PDE6C: variants seen among roughly 807,000 people sequenced by gnomAD.
PDE6C encodes phosphodiesterase 6C, also known as cone cGMP-specific 3',5'-cyclic phosphodiesterase subunit alpha'.
PDE6C carries 75 observed loss-of-function variants against 113.1 expected under a neutral mutation model. The observed-to-expected ratio is 0.66, with a 90% CI of 0.55 to 0.80. The LOEUF is 0.80. Among genes scored for constraint, PDE6C ranks in the 30% least tolerant of loss-of-function variants. PDE6C has a pLI of 0.00. For missense variants in PDE6C, 912 were observed against 1,038.6 expected (o/e 0.88, Z 1.67); for synonymous variants, 375 against 363.7 (o/e 1.03, Z -0.35).
intron 7 of PDE6C, 85 bp from the exon 8 acceptor site, chr10:93,629,173 A>G: frequency 8.9e-7 from 1 of 1,122,136 alleles, no homozygotes; most frequent in South Asian, 1.2e-5. Flanking sequence ...CTCACTCCCA[A>G]TGCGTTCTTT....
chr10:93,623,147 G>A (rs1225075309), intron 4 of PDE6C, among the ~76,000 whole-genome samples: 2 of 152,200 alleles, frequency 1.3e-5, no homozygotes, highest in East Asian at 1.9e-4. Flanking sequence ...AGCAGTTGCT[G>A]ATGTTAGTAT....
chr10:93,637,822 A>G, intron 11 of PDE6C, among the ~76,000 whole-genome samples: 1 of 152,180 alleles, frequency 6.6e-6, no homozygotes, highest in Non-Finnish European at 1.5e-5. Flanking sequence ...CCTGGGTTCT[A>G]GTCATTTGAT....
At chr10:93,631,237 T>C (rs1010146567) in intron 8 of PDE6C, among the ~76,000 whole-genome samples, 7 of 152,196 alleles carry the variant, frequency 4.6e-5, no homozygotes, top group Non-Finnish European at 1.0e-4. Context: ...GGAAACATCA[T>C]TGTGGTGCCC....
chr10:93,643,794 G>T (rs2058570595), intron 14 of PDE6C, among the ~76,000 whole-genome samples: 1 of 151,300 alleles, frequency 6.6e-6, no homozygotes, highest in South Asian at 2.1e-4. Context: ...GAATTAGGAG[G>T]ACATTCACCT....
intron 8 of PDE6C, among the ~76,000 whole-genome samples, chr10:93,631,007 A>G (rs1023961039): frequency 6.6e-6 from 1 of 152,244 alleles, no homozygotes; most frequent in East Asian, 1.9e-4. Context: ...AACCTTAAGC[A>G]GTCATTGTCT....
chr10:93,641,097 A>G (rs2058557636), intron 14 of PDE6C, 68 bp downstream of exon 14: 1 of 949,664 alleles, frequency 1.1e-6, no homozygotes, highest in Admixed American at 1.7e-5. Flanking sequence ...GGTGAGAAAA[A>G]CGCTTCTCCC....
chr10:93,626,170 C>T (rs1046894037), intron 5 of PDE6C, among the ~76,000 whole-genome samples: 4 of 152,162 alleles, frequency 2.6e-5, no homozygotes, highest in Non-Finnish European at 4.4e-5. Flanking sequence ...AGTGAAACCT[C>T]CTGTTTCTGA....
At chr10:93,663,200 C>T (rs2058674596) in intron 21 of PDE6C, 22 bp downstream of exon 21, 1 of 1,610,266 alleles carries the variant, frequency 6.2e-7, no homozygotes, top group African/African-American at 1.3e-5. Context: ...TCTGTTTTTG[C>T]TCCCTGTAAT....
rs2058449370 is a variant in PDE6C at position 93,622,055 on chromosome 10, G to A, written c.847G>A (p.Asp283Asn). ...TGAACGATACTCCATTGGACTGCTG[G>A]ACATGACCAAGGAGAAGGTTCTTAT... ...NCERYSIGLL[D>N]MTKEKEFYDE... is the part of the protein sequence containing the mutation. Residue 283 changes from aspartate to asparagine, a missense_variant, in exon 4 of 22, where the codon GAC (aspartate) becomes AAC (asparagine). Asp to Asn is a conservative substitution (Grantham distance 23). Transcript: ENST00000371447. 1 of 1,613,970 alleles carries A rather than the reference G, an allele frequency of 6.2e-7. No individual in the cohort carries two copies. Among genetic ancestry groups the A allele is most frequent in the Non-Finnish European group, 8.5e-7 (1 of 1,179,980 alleles).
chr10:93,637,516 C>T (rs2058539433), intron 11 of PDE6C, among the ~76,000 whole-genome samples: 1 of 152,170 alleles, frequency 6.6e-6, no homozygotes, highest in South Asian at 2.1e-4. Context: ...TAGGCCATCC[C>T]TATTATTTTT....
At chr10:93,626,743 G>A (rs776638127) in intron 6 of PDE6C, 39 bp downstream of exon 6, 1 of 1,604,596 alleles carries the variant, frequency 6.2e-7, no homozygotes, top group South Asian at 1.1e-5. Flanking sequence ...AGTTGCCGTT[G>A]TATTTTTGCA....
At chr10:93,621,110 G>C (rs1453987933) in intron 3 of PDE6C, 130 bp downstream of exon 3, 3 of 737,046 alleles carry the variant, frequency 4.1e-6, no homozygotes, top group Non-Finnish European at 7.3e-6. Flanking sequence ...CCAAACTTCA[G>C]TCCCACGTGT....
rs2058401718 is a variant in PDE6C, at chr10:93,613,275, T to C, written c.480+70T>C. On this transcript the variant is annotated intron_variant, in intron 1 of 21. Transcript: ENST00000371447. ...GGGAGGAACAAATGGGAAAGAGAGA[T>C]AGTGCTATCCTTGTGGCATTAGTTT... 3.8e-5 allele frequency: 61 copies of C among 1,592,128 alleles called. No homozygotes were observed. The South Asian group carries it at 6.7e-4, about 17-fold the overall frequency.
At chr10:93,643,312 A>G (rs1258839729) in intron 14 of PDE6C, among the ~76,000 whole-genome samples, 3 of 151,972 alleles carry the variant, frequency 2.0e-5, no homozygotes, top group African/African-American at 4.8e-5. Context: ...TGTAAACTCA[A>G]CTGTATGGGC....
At chr10:93,641,075 G>A (rs1217404998) in intron 14 of PDE6C, 46 bp downstream of exon 14, 5 of 1,156,278 alleles carry the variant, frequency 4.3e-6, no homozygotes, top group Non-Finnish European at 6.6e-6. Flanking sequence ...GTGGACATTG[G>A]AAAGTACTTA....
In PDE6C at chr10:93,654,797, TCTTTCTTTC is replaced by T. The variant is rs1564804820; in HGVS notation, c.1936-962_1936-954del. On this transcript the variant is annotated intron_variant, in intron 15 of 21. Coordinates refer to ENST00000371447, the MANE Select transcript of PDE6C (RefSeq NM_006204.4). ...TTCTTTCTTTCTTTCTTTCTTTCTTTCTTTCTTTCTTTCTTTTTTTTTTTTTTTGAAACA... is the reference window on the plus strand; with the variant it reads ...TTCTTTCTTTCTTTCTTTCTTTCTTTTTTCTTTTTTTTTTTTTTTGAAACA... Among the ~76,000 whole-genome samples the T allele has an allele frequency of 3.4e-5, 3 of 88,456 alleles. 1 individual carries two copies. The Admixed American group carries it at 4.2e-4, about 12-fold the overall frequency. The allele number at this position is 88,456 out of a possible 152,430, so 58.0% of individuals were successfully genotyped here.
At chr10:93,625,723 A>G in intron 5 of PDE6C, 74 bp downstream of exon 5, 2 of 993,888 alleles carry the variant, frequency 2.0e-6, no homozygotes, top group Non-Finnish European at 3.2e-6. Flanking sequence ...CACAGTGCAT[A>G]GAGCACTGGC....
chr10:93,637,988 CT>C (rs532458979), intron 11 of PDE6C, among the ~76,000 whole-genome samples: 17 of 152,242 alleles, frequency 1.1e-4, no homozygotes, highest in Non-Finnish European at 2.2e-4. Context: ...TTGGAATGAT[CT>C]TTTTTGGCTT....
intron 8 of PDE6C, among the ~76,000 whole-genome samples, chr10:93,631,125 C>T (rs2058499637): frequency 6.6e-6 from 1 of 152,214 alleles, no homozygotes; most frequent in Admixed American, 6.5e-5. Flanking sequence ...CTGATGTGCT[C>T]TCATGGCCTG....
Sources: gnomAD v4.1 joint callset for allele counts (sites outside exome capture counted in the v4.1 genomes callset) on GRCh38, gnomAD v4.1.1 for gene constraint, MANE v1.5 for transcripts, NCBI Gene and HGNC (gene_info 2026-07-23, HGNC 2026-07-21) for gene names.